The following LINS1 variants were observed in gnomAD, a reference collection of about 807,000 sequenced individuals.
LINS1 encodes the protein lines homolog 1.
A neutral mutation model predicts 41.6 loss-of-function variants in LINS1; 27 were observed. The observed-to-expected ratio is 0.65, with a 90% CI of 0.48 to 0.89. The LOEUF (loss-of-function observed/expected upper bound fraction) is 0.89. Ranked by LOEUF, LINS1 falls within the 40% of genes least tolerant of loss-of-function variation. The pLI is 0.00. For missense variants in LINS1, 955 were observed against 884.1 expected, an observed-to-expected ratio of 1.08 and a Z score of -1.02; for synonymous variants, 336 against 312.9, an observed-to-expected ratio of 1.07 and a Z score of -0.78.
In LINS1 at chr15:100,580,804, C is replaced by T. The variant is rs2038504033; in HGVS notation, c.39G>A (p.Lys13=). The T allele has an allele frequency of 6.2e-7, 1 of 1,611,988 alleles. No individual in the cohort carries two copies. The change falls in exon 2 of 7, where the codon AAG becomes AAA. Residue 13 remains lysine (K), a synonymous_variant. Coordinates refer to ENST00000314742, the MANE Select transcript of LINS1 (RefSeq NM_001040616.3). ...VFCEVLEELY[K]KVLLGATLEN... is the part of the protein sequence containing the mutation. ...CAAGTGTGGCTCCAAGAAGTACCTTCTTGTATAACTCTTCTAAAACTTCAC... is the reference window on the plus strand; with the variant it reads ...CAAGTGTGGCTCCAAGAAGTACCTTTTTGTATAACTCTTCTAAAACTTCAC...
intron 1 of LINS1, among the ~76,000 whole-genome samples, chr15:100,601,171 C>G (rs375529897): frequency 2.0e-5 from 3 of 152,214 alleles, no homozygotes; most frequent in Non-Finnish European, 4.4e-5. Flanking sequence ...GTCACTTCCT[C>G]AGAGACCTTT....
chr15:100,575,231 T>C (rs1206879799), intron 3 of LINS1, 103 bp from the exon 4 acceptor site: 2 of 1,005,912 alleles, frequency 2.0e-6, no homozygotes, highest in Admixed American at 2.0e-5. Context: ...AGAAGTATGA[T>C]AATATGTGGC....
chr15:100,589,322 G>A (rs1200437502), intron 1 of LINS1, among the ~76,000 whole-genome samples: 1 of 152,164 alleles, frequency 6.6e-6, no homozygotes, highest in East Asian at 1.9e-4. Context: ...AGTAGAACAA[G>A]AATTAAGTAC....
chr15:100,580,633 A>G lies in LINS1; in HGVS notation c.210T>C (p.Ala70=), dbSNP rs760317105. Residue 70 remains alanine, a synonymous_variant, in exon 2 of 7, where the codon GCT becomes GCC. Coordinates refer to ENST00000314742, the MANE Select transcript of LINS1 (RefSeq NM_001040616.3). ...TGGTCTTCAAACACACAGGTGCTAC[A>G]GCAATGGGAGCCACACCAACAGAGA... ...QPISVGVAPI[A]VAPVCLKTNS... The G allele has an allele frequency of 1.2e-6, 2 of 1,613,992 alleles. No homozygotes were observed. The highest frequency in any genetic ancestry group is 1.7e-6 in the Non-Finnish European group (2 of 1,179,940).
chr15:100,569,413 T>C lies in LINS1; in HGVS notation c.2099A>G (p.Asn700Ser), dbSNP rs759482540. The C allele has an allele frequency of 3.1e-6, 5 of 1,614,028 alleles. No individual in the cohort carries two copies. Among genetic ancestry groups the C allele is most frequent in the African/African-American group, 1.3e-5 (1 of 74,920 alleles). Residue 700 changes from asparagine (N) to serine (S), a missense_variant, in exon 7 of 7, where the codon AAT becomes AGT. Physicochemically the swap from Asn to Ser is conservative, Grantham distance 46 (BLOSUM62 1). Transcript: ENST00000314742. Reference sequence around the variant, plus strand: ...TATTCCCACTTCAGAGACGACATCATTTGGGGCTACTTCACAATCAAAGGA... The same window carrying C: ...TATTCCCACTTCAGAGACGACATCACTTGGGGCTACTTCACAATCAAAGGA... ...AFSFDCEVAP[N>S]DVVSEVGIFY...
intron 6 of LINS1, 181 bp from the exon 7 acceptor site, chr15:100,570,298 C>T: frequency 2.0e-6 from 1 of 492,512 alleles, no homozygotes; most frequent in South Asian, 3.6e-5. Flanking sequence ...AGAAATCTGA[C>T]TCAGTAAAGC....
At position 100,574,225 on chromosome 15, in the gene LINS1, G is replaced by C; in HGVS notation, c.648C>G (p.Phe216Leu). ...CAAAAATGGTGTCGAAATGAGTCAG[G>C]AACTGCTTTAGAATTTCTGCAATTA... ...CSQKTEILKQ[F>L]LTHFDTIFEV... Residue 216 changes from phenylalanine (F) to leucine (L), a missense_variant, in exon 5 of 7, where the codon TTC becomes TTG. Phe to Leu is a conservative substitution (Grantham distance 22). Transcript: ENST00000314742. 1 of 1,603,234 alleles carries C rather than the reference G, an allele frequency of 6.2e-7. No individual in the cohort carries two copies. Among genetic ancestry groups the C allele is most frequent in the Non-Finnish European group, 8.5e-7 (1 of 1,170,340 alleles).
intron 1 of LINS1, among the ~76,000 whole-genome samples, chr15:100,594,718 A>G (rs536896867): frequency 2.0e-5 from 3 of 152,324 alleles, no homozygotes; most frequent in South Asian, 4.1e-4. Flanking sequence ...GAAAAAATCC[A>G]TACATGTTCA....
rs916796820 is a variant in LINS1, at chr15:100,582,775, G to A, written c.-103-1830C>T. Among the ~76,000 whole-genome samples, 8 of 145,544 alleles carry A rather than the reference G, an allele frequency of 5.5e-5. No individual in the cohort carries two copies. The South Asian group carries it at 1.8e-3, about 32-fold the overall frequency. On this transcript the variant is annotated intron_variant, in intron 1 of 6. Transcript: ENST00000314742. Reference sequence around the variant, plus strand: ...AACATGGCCCACTAGCCTAGTCTTGGTCTTACACTGGGTCTTCCATCTACA... The same window carrying A: ...AACATGGCCCACTAGCCTAGTCTTGATCTTACACTGGGTCTTCCATCTACA...
chr15:100,591,981 A>C (rs1218042089), intron 1 of LINS1, among the ~76,000 whole-genome samples: 5 of 152,188 alleles, frequency 3.3e-5, no homozygotes, highest in Non-Finnish European at 5.9e-5. Flanking sequence ...ATTCACGCTG[A>C]CTTCCTAGAA....
rs1255681001 is a variant in LINS1 at position 100,572,146 on chromosome 15, T to C, written c.1223-81A>G. 1.9e-6 allele frequency: 3 copies of C among 1,569,836 alleles called. No individual in the cohort carries two copies. The African/African-American group carries it at 4.1e-5, about 21-fold the overall frequency. The stretch of plus-strand genomic sequence containing the variant: ...CTTGCCTATATATAAATTCATAGTG[T>C]CTAAAGTACCTTAAGATGCAATTAT... On this transcript the variant is annotated intron_variant, in intron 5 of 6. Transcript: ENST00000314742.
In LINS1 at chr15:100,569,712, T is replaced by C. The variant is rs1283212698; in HGVS notation, c.1800A>G (p.Pro600=). 4 of 1,613,710 alleles carry C rather than the reference T, an allele frequency of 2.5e-6. No homozygotes were observed. The African/African-American group carries it at 4.0e-5, about 16-fold the overall frequency. ...HSWASDAPSE[P]LKAVMSKGAH... ...CCCCCTTGGACATCACAGCTTTCAG[T>C]GGTTCAGAGGGAGCATCGGAAGCCC... Residue 600 remains proline, a synonymous_variant, in exon 7 of 7, where the codon CCA becomes CCG. Coordinates refer to ENST00000314742, the MANE Select transcript of LINS1 (RefSeq NM_001040616.3).
chr15:100,585,434 G>A (rs1344970607), intron 1 of LINS1, among the ~76,000 whole-genome samples: 1 of 152,244 alleles, frequency 6.6e-6, no homozygotes, highest in Non-Finnish European at 1.5e-5. Context: ...GTTCTGAGCA[G>A]GGGGCCTGGT....
intron 1 of LINS1, among the ~76,000 whole-genome samples, chr15:100,599,854 T>A (rs1305194156): frequency 6.6e-6 from 1 of 152,094 alleles, no homozygotes; most frequent in East Asian, 1.9e-4. Context: ...TCACCTGAGG[T>A]CAGAGGTTCG....
intron 4 of LINS1, among the ~76,000 whole-genome samples, chr15:100,574,775 G>C (rs1176591541): frequency 6.6e-6 from 1 of 152,142 alleles, no homozygotes; most frequent in African/African-American, 2.4e-5. Flanking sequence ...AACAATGCAA[G>C]GGATTTGTGC....
rs564206785 is a variant in LINS1, at chr15:100,577,283, G to A, written c.490-2155C>T. ...GATTGTATATCTAGAAAACCCCATC[G>A]TCTCAGCCCAAAATCTCCTTAAGCT... On this transcript the variant is annotated intron_variant, in intron 3 of 6. Transcript: ENST00000314742. Among the ~76,000 whole-genome samples, 1,018 of 152,238 alleles carry A rather than the reference G, an allele frequency of 6.7e-3. 9 individuals are homozygous for A. Among genetic ancestry groups the A allele is most frequent in the African/African-American group, 0.023 (968 of 41,508 alleles).
chr15:100,574,121 C>G lies in LINS1; in HGVS notation c.752G>C (p.Cys251Ser), dbSNP rs761759910. 1 of 1,614,054 alleles carries G rather than the reference C, an allele frequency of 6.2e-7. No individual in the cohort carries two copies. The highest frequency in any genetic ancestry group is 8.5e-7 in the Non-Finnish European group (1 of 1,179,892). The part of the protein sequence containing the change: ...DTSKIVNILM[C>S]FLDLLELLIA... ...GAGAAGCTCAAGCAAATCCAGGAAACACATCAGGATGTTTACTATTTTAGA... is the reference window on the plus strand; with the variant it reads ...GAGAAGCTCAAGCAAATCCAGGAAAGACATCAGGATGTTTACTATTTTAGA... Residue 251 changes from cysteine to serine, a missense_variant, in exon 5 of 7, where the codon TGT (cysteine) becomes TCT (serine). Cys to Ser is a moderately radical substitution (Grantham distance 112). Coordinates refer to ENST00000314742, the MANE Select transcript of LINS1 (RefSeq NM_001040616.3).
At chr15:100,582,206 T>TG (rs57578951) in intron 1 of LINS1, among the ~76,000 whole-genome samples, 11,757 of 142,094 alleles carry the variant, frequency 0.083, 473 homozygotes, top group East Asian at 0.2. Flanking sequence ...GTCTACACTA[T>TG]GGCCACTAGC....
chr15:100,597,688 T>C (rs1028496770), intron 1 of LINS1, among the ~76,000 whole-genome samples: 1 of 152,242 alleles, frequency 6.6e-6, no homozygotes. Context: ...ACTGAAAGGT[T>C]TTCCTTAGTC....
Sources: gnomAD v4.1 joint callset for allele counts (sites outside exome capture counted in the v4.1 genomes callset) on GRCh38, gnomAD v4.1.1 for gene constraint, MANE v1.5 for transcripts, NCBI Gene and HGNC (gene_info 2026-07-23, HGNC 2026-07-21) for gene names.